The following RPTOR variants were observed in gnomAD, a reference collection of about 807,000 sequenced individuals.
The protein encoded by RPTOR is regulatory-associated protein of mTOR.
RPTOR carries 21 observed loss-of-function variants against 169.9 expected under a neutral mutation model. The ratio of observed to expected loss-of-function variants is 0.12; its 90% CI spans 0.09 to 0.18. RPTOR has a LOEUF of 0.18. Ranked by LOEUF, RPTOR falls within the 10% of genes least tolerant of loss-of-function variation. The pLI, the probability that RPTOR is intolerant of heterozygous loss-of-function variation, is 1.00. For synonymous variants in RPTOR, 732 were observed against 753.2 expected, an observed-to-expected ratio of 0.97 and a Z score of 0.46; for missense variants, 1,133 against 1,855.9, an observed-to-expected ratio of 0.61 and a Z score of 7.16.
intron 28 of RPTOR, among the ~76,000 whole-genome samples, chr17:80,952,018 C>T (rs1419443489): frequency 6.6e-6 from 1 of 152,218 alleles, no homozygotes; most frequent in Non-Finnish European, 1.5e-5. Context: ...GCCGGCTCGG[C>T]ACTCACCCAA....
intron 1 of RPTOR, among the ~76,000 whole-genome samples, chr17:80,553,367 C>T (rs1025607254): frequency 1.1e-4 from 17 of 152,142 alleles, no homozygotes; most frequent in African/African-American, 9.7e-5. Flanking sequence ...CCACGGCAGA[C>T]GTGTTTTTGA....
At chr17:80,560,043 G>A (rs1239509552) in intron 1 of RPTOR, among the ~76,000 whole-genome samples, 1 of 152,212 alleles carries the variant, frequency 6.6e-6, no homozygotes, top group African/African-American at 2.4e-5. Flanking sequence ...GACGGAAGAC[G>A]TGGTCATGGC....
intron 6 of RPTOR, among the ~76,000 whole-genome samples, chr17:80,768,064 A>G (rs546710239): frequency 6.6e-5 from 10 of 152,198 alleles, no homozygotes; most frequent in East Asian, 5.8e-4. Context: ...GGGTTTCACC[A>G]TGTTAGCCAG....
intron 7 of RPTOR, among the ~76,000 whole-genome samples, chr17:80,821,562 A>C (rs956005785): frequency 6.6e-6 from 1 of 152,130 alleles, no homozygotes; most frequent in Non-Finnish European, 1.5e-5. Flanking sequence ...GCGAAATGGC[A>C]GCAGCCTCAT....
At position 80,855,479 on chromosome 17, in the gene RPTOR, G is replaced by A. The variant is rs1241181050; in HGVS notation, c.1330G>A (p.Val444Met). 6.2e-7 allele frequency: 1 copy of A among 1,613,926 alleles called. No individual in the cohort carries two copies. The highest frequency in any genetic ancestry group is 8.5e-7 in the Non-Finnish European group (1 of 1,179,796). ...GTTCTTCCAGGTGCTGTTAAGCCAA[G>A]TGCACCGGCTGAGAGCATTGGACTT... ...PIVLQVLLSQ[V>M]HRLRALDLLG... is the part of the protein sequence containing the mutation. Residue 444 changes from valine to methionine, a missense_variant, in exon 12 of 34, where the codon GTG becomes ATG. Coordinates refer to ENST00000306801, the MANE Select transcript of RPTOR (RefSeq NM_020761.3).
intron 1 of RPTOR, among the ~76,000 whole-genome samples, chr17:80,606,700 G>A (rs1567817171): frequency 1.3e-5 from 2 of 152,090 alleles, no homozygotes; most frequent in Non-Finnish European, 2.9e-5. Context: ...TGTCTGAATG[G>A]ATCTGTCTAC....
At chr17:80,693,293 G>A (rs969045864) in intron 3 of RPTOR, among the ~76,000 whole-genome samples, 2 of 152,176 alleles carry the variant, frequency 1.3e-5, no homozygotes, top group East Asian at 1.9e-4. Context: ...AGTGCCGACC[G>A]AGCCTGTCTG....
At position 80,724,340 on chromosome 17, in the gene RPTOR, C is replaced by G. The variant is rs894404108; in HGVS notation, c.508-6220C>G. 4.0e-5 allele frequency among the ~76,000 whole-genome samples: 6 copies of G among 151,094 alleles called. 1 individual carries two copies. Among genetic ancestry groups the G allele is most frequent in the African/African-American group, 1.5e-4 (6 of 40,410 alleles). On this transcript the variant is annotated intron_variant, in intron 4 of 33. Coordinates refer to ENST00000306801, the MANE Select transcript of RPTOR (RefSeq NM_020761.3). ...GAGAGAGGAGACATGGCAACCCACC[C>G]CTTCCTCATGTTTACTGCCTGGCAT...
intron 7 of RPTOR, among the ~76,000 whole-genome samples, chr17:80,794,883 G>A (rs2067085533): frequency 6.6e-6 from 1 of 152,218 alleles, no homozygotes; most frequent in Non-Finnish European, 1.5e-5. Flanking sequence ...GAACAGATCA[G>A]CTGTTGCCAG....
At chr17:80,677,132 T>C (rs10468603) in intron 3 of RPTOR, among the ~76,000 whole-genome samples, 69,279 of 152,028 alleles carry the variant, frequency 0.46, 16,840 homozygotes, top group African/African-American at 0.64. Flanking sequence ...TGAGCTCTTA[T>C]TGTGATAAGA....
At chr17:80,901,801 C>T (rs1209995194) in intron 20 of RPTOR, among the ~76,000 whole-genome samples, 3 of 152,104 alleles carry the variant, frequency 2.0e-5, no homozygotes, top group Non-Finnish European at 4.4e-5. Flanking sequence ...CCTGGCCCCC[C>T]AGAAGCCCCG....
At chr17:80,853,281 G>A (rs894314435) in intron 11 of RPTOR, among the ~76,000 whole-genome samples, 4 of 152,098 alleles carry the variant, frequency 2.6e-5, no homozygotes, top group South Asian at 2.1e-4. Context: ...TCAGACACCC[G>A]GGCTTTTCCA....
At chr17:80,893,647 C>T (rs1598384312) in intron 19 of RPTOR, 60 bp from the exon 20 acceptor site, 1 of 1,552,152 alleles carries the variant, frequency 6.4e-7, no homozygotes, top group Non-Finnish European at 8.7e-7. Context: ...ATGCCATTAA[C>T]TGTAAGACCA....
intron 3 of RPTOR, among the ~76,000 whole-genome samples, chr17:80,703,903 A>G (rs1486575584): frequency 6.6e-6 from 1 of 152,200 alleles, no homozygotes; most frequent in Non-Finnish European, 1.5e-5. Flanking sequence ...TGCTGCTTAG[A>G]CTGGCCATTA....
At chr17:80,716,508 C>T (rs1263455645) in intron 4 of RPTOR, among the ~76,000 whole-genome samples, 1 of 151,208 alleles carries the variant, frequency 6.6e-6, no homozygotes, top group African/African-American at 2.4e-5. Flanking sequence ...TTTTCTCTCA[C>T]TCTGTGGGTT....
chr17:80,871,875 G>T lies in RPTOR; in HGVS notation c.1510-8540G>T, dbSNP rs373708306. 1.1e-4 allele frequency among the ~76,000 whole-genome samples: 17 copies of T among 152,224 alleles called. No homozygotes were observed. The East Asian group carries it at 3.1e-3, about 28-fold the overall frequency. On this transcript the variant is annotated intron_variant, in intron 13 of 33. Coordinates refer to ENST00000306801, the MANE Select transcript of RPTOR (RefSeq NM_020761.3). ...TACCATCTTCCAGCTGACTGTCAGTGGATGAGGTGGAAACAGTTTTACCCT... is the reference window on the plus strand; with the variant it reads ...TACCATCTTCCAGCTGACTGTCAGTTGATGAGGTGGAAACAGTTTTACCCT...
At chr17:80,751,998 G>A (rs1178235015) in intron 5 of RPTOR, among the ~76,000 whole-genome samples, 8 of 152,232 alleles carry the variant, frequency 5.3e-5, no homozygotes, top group Non-Finnish European at 1.0e-4. Context: ...TTGTAGACAC[G>A]TGAATGAAGG....
chr17:80,818,958 T>G (rs9893680), intron 7 of RPTOR, among the ~76,000 whole-genome samples: 56,412 of 152,062 alleles, frequency 0.37, 10,884 homozygotes, highest in African/African-American at 0.47. Context: ...TGTTAACCAG[T>G]GGTCACAGAC....
At chr17:80,873,359 A>G (rs925738792) in intron 13 of RPTOR, among the ~76,000 whole-genome samples, 7 of 152,058 alleles carry the variant, frequency 4.6e-5, no homozygotes, top group Non-Finnish European at 1.0e-4. Context: ...CAGCCCAAAC[A>G]TGGGTTCTTT....
Sources: allele counts gnomAD v4.1 joint callset (sites outside exome capture counted in the v4.1 genomes callset), GRCh38; gene constraint gnomAD v4.1.1; transcripts MANE v1.5; gene names NCBI Gene and HGNC (gene_info 2026-07-23, HGNC 2026-07-21).